SLC17A8: variants seen among roughly 807,000 people sequenced by gnomAD.
SLC17A8 encodes solute carrier family 17 member 8, also known as vesicular glutamate transporter 3.
In SLC17A8, 31 loss-of-function variants were observed where a neutral mutation model predicts 58.0. That is an observed-to-expected ratio of 0.53 (90% confidence interval 0.40 to 0.72). The LOEUF (loss-of-function observed/expected upper bound fraction) is 0.72. Among genes scored for constraint, SLC17A8 ranks in the 30% least tolerant of loss-of-function variants. The pLI, the probability that SLC17A8 is intolerant of heterozygous loss-of-function variation, is 0.00. For synonymous variants in SLC17A8, 228 were observed against 249.0 expected, an observed-to-expected ratio of 0.92 and a Z score of 0.79; for missense variants, 655 against 727.8, an observed-to-expected ratio of 0.90 and a Z score of 1.15.
rs1029847712 is a variant in SLC17A8 at position 100,386,849 on chromosome 12, A to T, written c.355-4152A>T. On this transcript the variant is annotated intron_variant, in intron 2 of 11. Transcript: ENST00000323346. Reference sequence around the variant, plus strand: ...GATTACAGGCATGTGCCACCATGCCAGGCTAATTTTTATATTTTTAGTAGA... The same window carrying T: ...GATTACAGGCATGTGCCACCATGCCTGGCTAATTTTTATATTTTTAGTAGA... Among the ~76,000 whole-genome samples the T allele has an allele frequency of 4.6e-5, 7 of 151,986 alleles. No homozygotes were observed. In the South Asian group the frequency reaches 1.5e-3, roughly 32 times the overall value.
intron 4 of SLC17A8, 96 bp from the exon 5 acceptor site, chr12:100,396,234 T>C: frequency 1.0e-6 from 1 of 990,356 alleles, no homozygotes; most frequent in Non-Finnish European, 1.6e-6. Flanking sequence ...ATTGGGCTTT[T>C]ATATTGTAGC....
chr12:100,376,805 C>CT (rs1952597489), intron 1 of SLC17A8, among the ~76,000 whole-genome samples: 1 of 151,970 alleles, frequency 6.6e-6, no homozygotes, highest in Non-Finnish European at 1.5e-5. Context: ...CATCAGTTTT[C>CT]TTTCTTTTCT....
chr12:100,373,856 T>A (rs1952575898), intron 1 of SLC17A8, among the ~76,000 whole-genome samples: 1 of 152,112 alleles, frequency 6.6e-6, no homozygotes, highest in Non-Finnish European at 1.5e-5. Flanking sequence ...TCCAAAGTGC[T>A]CAGATTACAG....
chr12:100,366,429 C>T (rs375883000), intron 1 of SLC17A8, among the ~76,000 whole-genome samples: 1 of 152,144 alleles, frequency 6.6e-6, no homozygotes, highest in African/African-American at 2.4e-5. Context: ...ATTACCTGAC[C>T]CTTATAAGCC....
intron 1 of SLC17A8, 46 bp downstream of exon 1, chr12:100,357,538 A>G: frequency 8.1e-7 from 1 of 1,240,008 alleles, no homozygotes; most frequent in Non-Finnish European, 1.2e-6. Context: ...GTAGCTTCGT[A>G]TTGCCAATGT....
chr12:100,401,920 C>A, intron 6 of SLC17A8, 57 bp downstream of exon 6: 2 of 1,419,544 alleles, frequency 1.4e-6, no homozygotes, highest in Middle Eastern at 1.8e-4. Context: ...TATTTTACTG[C>A]ATATGGGTTT....
intron 7 of SLC17A8, 36 bp downstream of exon 7, chr12:100,402,515 T>C (rs751647521): frequency 6.2e-7 from 1 of 1,613,836 alleles, no homozygotes; most frequent in South Asian, 1.1e-5. Flanking sequence ...CTTACCTTTT[T>C]TCATAAGTGA....
intron 2 of SLC17A8, among the ~76,000 whole-genome samples, chr12:100,384,910 C>T (rs188671821): frequency 8.5e-5 from 13 of 152,250 alleles, no homozygotes; most frequent in African/African-American, 3.1e-4. Context: ...CTCCGTTTTC[C>T]CTGGTCCTTC....
At chr12:100,363,595 A>G (rs1952498969) in intron 1 of SLC17A8, among the ~76,000 whole-genome samples, 1 of 152,028 alleles carries the variant, frequency 6.6e-6, no homozygotes, top group Non-Finnish European at 1.5e-5. Context: ...CAAACACCTG[A>G]CTTCAAATGA....
Position 100,372,334 on chromosome 12 carries a change from G to A in SLC17A8, c.102-8367G>A, listed in dbSNP as rs117263859. 1.7e-3 allele frequency among the ~76,000 whole-genome samples: 256 copies of A among 152,214 alleles called. 8 individuals carry two copies. The East Asian group carries it at 0.043, about 25-fold the overall frequency. ...ATATGCATCCCTGGTGTCTCTGTGT[G>A]TCCAAGTCTCTTTTTATTTATGTAT... On this transcript the variant is annotated intron_variant, in intron 1 of 11. Coordinates refer to ENST00000323346, the MANE Select transcript of SLC17A8 (RefSeq NM_139319.3).
intron 1 of SLC17A8, among the ~76,000 whole-genome samples, chr12:100,359,685 A>C (rs1952472147): frequency 6.6e-6 from 1 of 152,208 alleles, no homozygotes; most frequent in Non-Finnish European, 1.5e-5. Flanking sequence ...CGGTGATCCA[A>C]GTTGATCCTC....
At chr12:100,404,925 C>A (rs563558939) in intron 9 of SLC17A8, among the ~76,000 whole-genome samples, 1 of 152,280 alleles carries the variant, frequency 6.6e-6, no homozygotes, top group South Asian at 2.1e-4. Flanking sequence ...TTGCGGCTAC[C>A]CCTCTGGAGG....
intron 1 of SLC17A8, among the ~76,000 whole-genome samples, chr12:100,361,182 A>G (rs903650930): frequency 7.9e-5 from 12 of 152,102 alleles, no homozygotes; most frequent in African/African-American, 2.7e-4. Context: ...ATCACATCTC[A>G]CCCCTGCTCA....
intron 9 of SLC17A8, among the ~76,000 whole-genome samples, chr12:100,410,420 G>A (rs1412167641): frequency 6.6e-6 from 1 of 151,918 alleles, no homozygotes; most frequent in Non-Finnish European, 1.5e-5. Flanking sequence ...GCACGAACCC[G>A]GGAGGCAGAG....
intron 1 of SLC17A8, among the ~76,000 whole-genome samples, chr12:100,368,601 G>T (rs1171565963): frequency 2.6e-5 from 4 of 152,026 alleles, no homozygotes. Context: ...GTACATTCAG[G>T]ATCCATTCCC....
intron 5 of SLC17A8, among the ~76,000 whole-genome samples, chr12:100,399,793 G>A (rs908770280): frequency 3.9e-5 from 6 of 152,100 alleles, no homozygotes; most frequent in Admixed American, 2.6e-4. Flanking sequence ...ATATCACATT[G>A]TAAAGTTTCC....
chr12:100,412,393 A>T (rs1566404239), intron 9 of SLC17A8, among the ~76,000 whole-genome samples: 1 of 152,012 alleles, frequency 6.6e-6, no homozygotes, highest in African/African-American at 2.4e-5. Flanking sequence ...CAGGGAGGGG[A>T]TCATCACACA....
chr12:100,407,151 A>G (rs1379297378), intron 9 of SLC17A8, among the ~76,000 whole-genome samples: 1 of 152,206 alleles, frequency 6.6e-6, no homozygotes, highest in African/African-American at 2.4e-5. Context: ...TTTTTCTCCT[A>G]TGTTCAAGAC....
intron 1 of SLC17A8, among the ~76,000 whole-genome samples, chr12:100,373,831 C>T (rs945916564): frequency 2.0e-5 from 3 of 151,998 alleles, no homozygotes; most frequent in African/African-American, 7.3e-5. Context: ...TCAGGTGATC[C>T]TCTCGCCTCA....
Sources: gnomAD v4.1 joint callset for allele counts (sites outside exome capture counted in the v4.1 genomes callset) on GRCh38, gnomAD v4.1.1 for gene constraint, MANE v1.5 for transcripts, NCBI Gene and HGNC (gene_info 2026-07-23, HGNC 2026-07-21) for gene names.